SEL1L3: variants seen among roughly 807,000 people sequenced by gnomAD.
The protein encoded by SEL1L3 is SEL1L family member 3.
In SEL1L3, 76 loss-of-function variants were observed where a neutral mutation model predicts 142.8. That is an observed-to-expected ratio of 0.53 (90% confidence interval 0.44 to 0.64). The LOEUF (loss-of-function observed/expected upper bound fraction) is 0.64, where lower values mean the gene tolerates loss of function less well. Ranked by LOEUF, SEL1L3 falls within the 30% of genes least tolerant of loss-of-function variation. The pLI is 0.00. For synonymous variants in SEL1L3, 504 were observed against 519.6 expected, an observed-to-expected ratio of 0.97 and a Z score of 0.41; for missense variants, 1,262 against 1,381.7, an observed-to-expected ratio of 0.91 and a Z score of 1.37.
At chr4:25,776,045 T>C (rs1008415708) in intron 17 of SEL1L3, among the ~76,000 whole-genome samples, 1 of 152,214 alleles carries the variant, frequency 6.6e-6, no homozygotes, top group African/African-American at 2.4e-5. Flanking sequence ...CTTTCTCAAC[T>C]TGATGAGTGT....
the SEL1L3 span, among the ~76,000 whole-genome samples, chr4:25,726,772 A>C: frequency 2.1e-5 from 3 of 144,962 alleles, no homozygotes; most frequent in Non-Finnish European, 4.6e-5. Context: ...AGTCTTAATA[A>C]GTACTATTTT....
At chr4:25,767,397 G>A (rs1281078782) in intron 19 of SEL1L3, 128 bp downstream of exon 19, 1 of 649,138 alleles carries the variant, frequency 1.5e-6, no homozygotes, top group Non-Finnish European at 2.8e-6. Context: ...CTTAATAGCA[G>A]AGATTTTTCA....
At chr4:25,809,376 C>A (rs1368409701) in intron 9 of SEL1L3, among the ~76,000 whole-genome samples, 4 of 151,530 alleles carry the variant, frequency 2.6e-5, no homozygotes, top group Non-Finnish European at 4.4e-5. Context: ...AACTCCTGGC[C>A]TCAAGCAATC....
chr4:25,858,203 G>A (rs1717396382), intron 1 of SEL1L3, among the ~76,000 whole-genome samples: 3 of 152,228 alleles, frequency 2.0e-5, no homozygotes, highest in Admixed American at 1.3e-4. Flanking sequence ...TTGCCAACAG[G>A]CAGCCAGAAG....
intron 10 of SEL1L3, among the ~76,000 whole-genome samples, chr4:25,804,075 T>G (rs2109223892): frequency 6.6e-6 from 1 of 152,372 alleles, no homozygotes; most frequent in Admixed American, 6.5e-5. Context: ...ACTAGTTGCA[T>G]AATAAATTTG....
chr4:25,824,517 C>G (rs1714971797), intron 6 of SEL1L3, among the ~76,000 whole-genome samples: 1 of 152,194 alleles, frequency 6.6e-6, no homozygotes, highest in Non-Finnish European at 1.5e-5. Flanking sequence ...AGGCACAGAG[C>G]AGACACCATA....
In SEL1L3 at chr4:25,752,108, C is replaced by CAAAAAAA. The variant is rs758727448; in HGVS notation, c.3260-3551_3260-3545dup. On this transcript the variant is annotated intron_variant, in intron 23 of 23. Coordinates refer to ENST00000399878, the MANE Select transcript of SEL1L3 (RefSeq NM_015187.5). Reference sequence around the variant, plus strand: ...TGGGCGACAGAGTAAGACTCCATCTCAAAAAAAAAAAAAAAATAGTTGAAT... The same window carrying CAAAAAAA: ...TGGGCGACAGAGTAAGACTCCATCTCAAAAAAAAAAAAAAAAAAAAAAATAGTTGAAT... Among the ~76,000 whole-genome samples, 83 of 99,398 alleles carry CAAAAAAA rather than the reference C, an allele frequency of 8.4e-4. 3 individuals carry two copies. Among genetic ancestry groups the CAAAAAAA allele is most frequent in the Middle Eastern group, 8.1e-3 (1 of 124 alleles). The allele number at this position is 99,398 out of a possible 152,430, so 65.2% of individuals were successfully genotyped here.
At chr4:25,780,502 G>C (rs1719922454) in intron 15 of SEL1L3, among the ~76,000 whole-genome samples, 1 of 151,656 alleles carries the variant, frequency 6.6e-6, no homozygotes, top group Non-Finnish European at 1.5e-5. Flanking sequence ...CCACTCCCCT[G>C]GCCTCCCTGC....
chr4:25,845,623 G>A (rs1212555226), intron 2 of SEL1L3, among the ~76,000 whole-genome samples: 1 of 152,168 alleles, frequency 6.6e-6, no homozygotes, highest in Non-Finnish European at 1.5e-5. Flanking sequence ...TTTTGGGACA[G>A]TACCAAGAAA....
At chr4:25,754,706 G>T (rs1383944530) in intron 23 of SEL1L3, among the ~76,000 whole-genome samples, 1 of 151,852 alleles carries the variant, frequency 6.6e-6, no homozygotes, top group Non-Finnish European at 1.5e-5. Flanking sequence ...CAAATCTCAG[G>T]GCTTACCTAC....
At chr4:25,724,875 T>C in the SEL1L3 span, among the ~76,000 whole-genome samples, 1 of 151,530 alleles carries the variant, frequency 6.6e-6, no homozygotes, top group Non-Finnish European at 1.5e-5. Flanking sequence ...GGCTGGTGGA[T>C]CAGCATGGGT....
At chr4:25,846,654 A>G (rs1205421137) in intron 2 of SEL1L3, among the ~76,000 whole-genome samples, 2 of 152,090 alleles carry the variant, frequency 1.3e-5, no homozygotes, top group East Asian at 3.9e-4. Flanking sequence ...CACACCTGTA[A>G]TCCCAGCATT....
intron 23 of SEL1L3, among the ~76,000 whole-genome samples, chr4:25,755,402 C>T (rs1402466542): frequency 3.9e-5 from 6 of 152,120 alleles, no homozygotes; most frequent in Non-Finnish European, 8.8e-5. Context: ...TGCGTCTGGT[C>T]TCCTGGTCTT....
the SEL1L3 span, among the ~76,000 whole-genome samples, chr4:25,731,332 C>G: frequency 1.3e-5 from 2 of 152,036 alleles, no homozygotes; most frequent in African/African-American, 4.8e-5. Flanking sequence ...TAAAATTGTA[C>G]AGCTTCATTA....
At chr4:25,776,590 A>T in intron 16 of SEL1L3, 1 of 487,318 alleles carries the variant, frequency 2.1e-6, no homozygotes, top group South Asian at 2.4e-5. Flanking sequence ...GGAAACAAAG[A>T]CATGTAAGAT....
intron 15 of SEL1L3, among the ~76,000 whole-genome samples, chr4:25,781,634 T>C (rs1720008300): frequency 1.3e-5 from 2 of 152,094 alleles, no homozygotes; most frequent in Non-Finnish European, 2.9e-5. Context: ...AGGTCCTCAC[T>C]CCACTAAGTG....
In SEL1L3 at chr4:25,748,056, ATGAAGCACGCACTG is replaced by A. The variant is rs1717352814; in HGVS notation, c.*355_*368del. On this transcript the variant is annotated 3_prime_UTR_variant, in exon 24 of 24. Coordinates refer to ENST00000399878, the MANE Select transcript of SEL1L3 (RefSeq NM_015187.5). ...TAATTTTCTGTTCTTCAATAAAGGGATGAAGCACGCACTGTGATTCTTAAGACACATCTTAGTGT... is the reference window on the plus strand; with the variant it reads ...TAATTTTCTGTTCTTCAATAAAGGGATGATTCTTAAGACACATCTTAGTGT... The A allele has an allele frequency of 2.2e-5, 4 of 181,106 alleles. No individual in the cohort carries two copies. Among genetic ancestry groups the A allele is most frequent in the Non-Finnish European group, 3.5e-5 (3 of 86,338 alleles). 11.2% of individuals were successfully genotyped at this position (181,106 alleles called of 1,614,324 possible).
At chr4:25,769,721 A>T (rs927506123) in intron 17 of SEL1L3, among the ~76,000 whole-genome samples, 2 of 152,172 alleles carry the variant, frequency 1.3e-5, no homozygotes, top group African/African-American at 2.4e-5. Context: ...CCAGGGATTG[A>T]TGAGGAAAGG....
chr4:25,827,508 C>T (rs1715171930), intron 6 of SEL1L3, among the ~76,000 whole-genome samples: 1 of 152,212 alleles, frequency 6.6e-6, no homozygotes, highest in Non-Finnish European at 1.5e-5. Context: ...GCCCTGCCAG[C>T]CCTGTGATCT....
Sources: gnomAD v4.1 joint callset for allele counts (sites outside exome capture counted in the v4.1 genomes callset) on GRCh38, gnomAD v4.1.1 for gene constraint, MANE v1.5 for transcripts, NCBI Gene and HGNC (gene_info 2026-07-23, HGNC 2026-07-21) for gene names.